Variants in FBXL7 observed in about 807,000 individuals in gnomAD.
The protein encoded by FBXL7 is F-box and leucine rich repeat protein 7, also known as F-box/LRR-repeat protein 7.
In FBXL7, 12 loss-of-function variants were observed where a neutral mutation model predicts 38.3. The observed-to-expected ratio is 0.31, with a 90% CI of 0.20 to 0.51. The LOEUF is 0.51. FBXL7 is among the 20% of genes least tolerant of loss of function. The pLI, the probability that FBXL7 is intolerant of heterozygous loss-of-function variation, is 0.98. For missense variants in FBXL7, 567 were observed against 676.4 expected, an observed-to-expected ratio of 0.84 and a Z score of 1.79; for synonymous variants, 297 against 300.9, an observed-to-expected ratio of 0.99 and a Z score of 0.13.
chr5:15,638,404 G>A (rs1047762640), intron 2 of FBXL7, among the ~76,000 whole-genome samples: 11 of 152,212 alleles, frequency 7.2e-5, no homozygotes, highest in African/African-American at 2.4e-4. Flanking sequence ...GGGATCAGCA[G>A]CATCCCATCC....
At chr5:15,542,245 T>G (rs1737773461) in intron 1 of FBXL7, among the ~76,000 whole-genome samples, 1 of 152,216 alleles carries the variant, frequency 6.6e-6, no homozygotes, top group South Asian at 2.1e-4. Flanking sequence ...AATAAAACAT[T>G]TTTGTTCTTT....
At chr5:15,791,784 CCTGTTTCTG>C (rs1345187388) in intron 2 of FBXL7, among the ~76,000 whole-genome samples, 3 of 152,144 alleles carry the variant, frequency 2.0e-5, no homozygotes, top group African/African-American at 7.2e-5. Context: ...TCCTTCCCAG[CCTGTTTCTG>C]CTGGGCTGCC....
intron 1 of FBXL7, among the ~76,000 whole-genome samples, chr5:15,577,729 T>A (rs1340572248): frequency 6.6e-6 from 1 of 151,990 alleles, no homozygotes; most frequent in East Asian, 1.9e-4. Context: ...ACCCAGAGGG[T>A]CTGGATAAAT....
intron 2 of FBXL7, among the ~76,000 whole-genome samples, chr5:15,867,727 A>G (rs1739775072): frequency 6.6e-6 from 1 of 152,228 alleles, no homozygotes; most frequent in Admixed American, 6.5e-5. Context: ...TGGAAGAGAC[A>G]GGCAGAAGAA....
At chr5:15,566,767 T>A (rs1372484967) in intron 1 of FBXL7, among the ~76,000 whole-genome samples, 1 of 152,156 alleles carries the variant, frequency 6.6e-6, no homozygotes, top group East Asian at 1.9e-4. Flanking sequence ...TTAACCTGAG[T>A]TGTGTGAAAT....
intron 1 of FBXL7, chr5:15,606,654 T>A (rs950584936): frequency 6.6e-5 from 10 of 152,270 alleles, no homozygotes; most frequent in African/African-American, 2.2e-4. Context: ...AAGGAAAACA[T>A]GACTTTAGCA....
At chr5:15,710,216 T>C (rs1166409526) in intron 2 of FBXL7, among the ~76,000 whole-genome samples, 2 of 152,186 alleles carry the variant, frequency 1.3e-5, no homozygotes, top group Non-Finnish European at 2.9e-5. Context: ...GCAATACGGA[T>C]AAGATTCTAC....
At chr5:15,863,904 C>T (rs1579535755) in intron 2 of FBXL7, among the ~76,000 whole-genome samples, 1 of 152,182 alleles carries the variant, frequency 6.6e-6, no homozygotes, top group Non-Finnish European at 1.5e-5. Context: ...TAATCTTGAA[C>T]TTGGTAGCCA....
intron 1 of FBXL7, among the ~76,000 whole-genome samples, chr5:15,567,716 A>C (rs911496171): frequency 1.3e-5 from 2 of 151,936 alleles, no homozygotes; most frequent in Non-Finnish European, 2.9e-5. Context: ...ATTTAACATT[A>C]GGTATATCTC....
intron 2 of FBXL7, among the ~76,000 whole-genome samples, chr5:15,641,299 A>T (rs1402942921): frequency 2.0e-5 from 3 of 152,026 alleles, no homozygotes; most frequent in African/African-American, 7.3e-5. Context: ...TTGTGTAGAG[A>T]ACCCAAACAA....
chr5:15,726,081 G>A (rs1282590051), intron 2 of FBXL7, among the ~76,000 whole-genome samples: 1 of 152,096 alleles, frequency 6.6e-6, no homozygotes, highest in African/African-American at 2.4e-5. Flanking sequence ...TAATTATTAT[G>A]TCTTCTTGTC....
chr5:15,873,598 C>T (rs181541315), intron 2 of FBXL7, among the ~76,000 whole-genome samples: 144 of 152,114 alleles, frequency 9.5e-4, no homozygotes, highest in South Asian at 9.2e-3. Context: ...TCACTGATCC[C>T]GCAGAAATAC....
chr5:15,699,181 T>TG (rs1383378340), intron 2 of FBXL7, among the ~76,000 whole-genome samples: 1 of 152,094 alleles, frequency 6.6e-6, no homozygotes, highest in Non-Finnish European at 1.5e-5. Flanking sequence ...GTGTTATAAT[T>TG]GGGGGGTATG....
intron 2 of FBXL7, among the ~76,000 whole-genome samples, chr5:15,837,836 ACT>A (rs895972754): frequency 6.6e-6 from 1 of 150,468 alleles, no homozygotes; most frequent in African/African-American, 2.4e-5. Context: ...GCTCGTTGAA[ACT>A]CTGTTCTCAG....
chr5:15,891,587 T>TG (rs1740904736), intron 2 of FBXL7, among the ~76,000 whole-genome samples: 1 of 152,140 alleles, frequency 6.6e-6, no homozygotes, highest in African/African-American at 2.4e-5. Context: ...CAAATATAAA[T>TG]GAGTATATTA....
chr5:15,501,679 A>G, intron 1 of FBXL7: 1 of 985,458 alleles, frequency 1.0e-6, no homozygotes, highest in Non-Finnish European at 1.2e-6. Flanking sequence ...GCCTGGAGGA[A>G]ACTCTTATCA....
chr5:15,615,537 G>A (rs1740416736), intron 1 of FBXL7, among the ~76,000 whole-genome samples: 1 of 152,184 alleles, frequency 6.6e-6, no homozygotes, highest in Admixed American at 6.5e-5. Context: ...TTCATTTTTT[G>A]ATGTGACGCA....
At chr5:15,810,056 T>C (rs1055222451) in intron 2 of FBXL7, among the ~76,000 whole-genome samples, 1 of 152,232 alleles carries the variant, frequency 6.6e-6, no homozygotes, top group African/African-American at 2.4e-5. Context: ...GGTATTCATT[T>C]CTTTAAACTT....
intron 2 of FBXL7, among the ~76,000 whole-genome samples, chr5:15,634,075 C>A (rs1385133075): frequency 1.3e-5 from 2 of 151,918 alleles, no homozygotes; most frequent in Non-Finnish European, 2.9e-5. Context: ...GCCACCACAC[C>A]CAGCTGGGGC....
Sources: allele counts gnomAD v4.1 joint callset (sites outside exome capture counted in the v4.1 genomes callset), GRCh38; gene constraint gnomAD v4.1.1; transcripts MANE v1.5; gene names NCBI Gene and HGNC (gene_info 2026-07-23, HGNC 2026-07-21).